The following BANP variants were observed in gnomAD, a reference collection of about 807,000 sequenced individuals.
BANP encodes protein BANP.
Under a neutral mutation model 68.1 loss-of-function variants are expected in BANP, and 11 were observed. That is an observed-to-expected ratio of 0.16 (90% CI 0.10 to 0.27). The LOEUF (loss-of-function observed/expected upper bound fraction) is 0.27, where lower values mean the gene tolerates loss of function less well. Ranked by LOEUF, BANP falls within the 10% of genes least tolerant of loss-of-function variation. BANP has a pLI of 1.00. For missense variants in BANP, 504 were observed against 722.7 expected, an observed-to-expected ratio of 0.70 and a Z score of 3.47; for synonymous variants, 329 against 303.2, an observed-to-expected ratio of 1.09 and a Z score of -0.88.
chr16:88,006,857 C>T (rs990384167), intron 6 of BANP, among the ~76,000 whole-genome samples: 3 of 142,694 alleles, frequency 2.1e-5, no homozygotes, highest in South Asian at 2.3e-4. Flanking sequence ...GAGGCTGAGG[C>T]GGGAGAATTG....
chr16:88,010,599 T>C (rs1366397480), intron 6 of BANP, among the ~76,000 whole-genome samples: 1 of 152,196 alleles, frequency 6.6e-6, no homozygotes, highest in Non-Finnish European at 1.5e-5. Context: ...CACATGGAAA[T>C]AAGAACATGT....
chr16:88,015,454 G>A (rs58985309), intron 6 of BANP, among the ~76,000 whole-genome samples: 36,622 of 152,202 alleles, frequency 0.24, 4,873 homozygotes, highest in East Asian at 0.46. Context: ...CCTGTCCCTC[G>A]TCTGCCCTAT....
chr16:88,038,108 C>T lies in BANP; in HGVS notation c.1311+97C>T. On this transcript the variant is annotated intron_variant, in intron 11 of 13. Transcript: ENST00000682872. ...GGGACGGTCAGGTGAGTGCCCTGGTCCCCATGTACATGTGGGCATTGCGCT... is the reference window on the plus strand; with the variant it reads ...GGGACGGTCAGGTGAGTGCCCTGGTTCCCATGTACATGTGGGCATTGCGCT... The T allele has an allele frequency of 4.6e-6, 6 of 1,303,242 alleles. No homozygotes were observed. In the South Asian group the frequency reaches 5.9e-5, roughly 13 times the overall value. 80.7% of individuals were successfully genotyped at this position (1,303,242 alleles called of 1,614,324 possible).
chr16:88,050,040 C>T (rs974125780), intron 11 of BANP, among the ~76,000 whole-genome samples: 4 of 152,228 alleles, frequency 2.6e-5, no homozygotes, highest in African/African-American at 9.6e-5. Flanking sequence ...GGCTGGTGAG[C>T]TTCTCAGTCA....
chr16:88,065,171 G>A (rs1425811260), intron 11 of BANP, 96 bp from the exon 12 acceptor site: 3 of 611,960 alleles, frequency 4.9e-6, no homozygotes, highest in Non-Finnish European at 5.9e-6. Flanking sequence ...TTACCGGAGG[G>A]CAGAAGCCCA....
At chr16:88,044,844 C>T (rs79670484) in intron 11 of BANP, among the ~76,000 whole-genome samples, 4 of 151,990 alleles carry the variant, frequency 2.6e-5, no homozygotes, top group South Asian at 2.1e-4. Flanking sequence ...TTAGCCGGTG[C>T]GGTGGCAGGC....
intron 11 of BANP, among the ~76,000 whole-genome samples, chr16:88,053,379 C>G (rs1355410558): frequency 1.3e-5 from 2 of 151,994 alleles, no homozygotes; most frequent in Non-Finnish European, 1.5e-5. Context: ...CCACTCCCAC[C>G]TCCTTCACTA....
Position 88,003,613 on chromosome 16 carries a change from C to T in BANP, c.363-682C>T. The T allele has an allele frequency of 2.2e-6, 1 of 448,002 alleles. No homozygotes were observed. Among genetic ancestry groups the T allele is most frequent in the African/African-American group, 2.0e-5 (1 of 50,002 alleles). The allele number at this position is 448,002 out of a possible 1,614,324, so 27.8% of individuals were successfully genotyped here. On this transcript the variant is annotated intron_variant, in intron 4 of 13. Coordinates refer to ENST00000682872, the MANE Select transcript of BANP (RefSeq NM_001386991.1). The surrounding 1 kb of genome is among the most constrained non-coding windows in gnomAD (Gnocchi z 6.1). Reference sequence around the variant, plus strand: ...CTGTGTTAGCTGCCGCCTGTCTGAACACACTCGTGCTTCCTCCAGGGTGGC... The same window carrying T: ...CTGTGTTAGCTGCCGCCTGTCTGAATACACTCGTGCTTCCTCCAGGGTGGC...
upstream of BANP, chr16:87,949,875 C>CT (rs922217438): frequency 0.041 from 5,737 of 139,858 alleles, 363 homozygotes; most frequent in African/African-American, 0.13. Context: ...TTCTTTCTTT[C>CT]TTTTTTTTTT....
intron 10 of BANP, chr16:88,037,722 G>A (rs1382235771): frequency 5.8e-6 from 3 of 518,010 alleles, no homozygotes; most frequent in South Asian, 5.2e-5. Flanking sequence ...ATTTTCATTT[G>A]GGGTCAGGGT....
At chr16:88,030,356 A>G (rs1178522862) in intron 8 of BANP, among the ~76,000 whole-genome samples, 3 of 152,232 alleles carry the variant, frequency 2.0e-5, no homozygotes, top group Non-Finnish European at 4.4e-5. Context: ...GCAAGGAGAG[A>G]AATAGAAGAC....
At chr16:88,066,947 G>A (rs376627759) in intron 12 of BANP, among the ~76,000 whole-genome samples, 51 of 152,234 alleles carry the variant, frequency 3.4e-4, no homozygotes, top group African/African-American at 1.2e-3. Flanking sequence ...CAGAGCCATC[G>A]GCCGGGGCAC....
Position 87,984,096 on chromosome 16 carries a change from C to T in BANP, c.199C>T (p.Arg67Trp). 2 of 1,613,954 alleles carry T rather than the reference C, an allele frequency of 1.2e-6. No individual in the cohort carries two copies. The highest frequency in any genetic ancestry group is 1.7e-6 in the Non-Finnish European group (2 of 1,179,938). Residue 67 changes from arginine (R) to tryptophan (W), a missense_variant, in exon 4 of 14, where the codon CGG becomes TGG. Transcript: ENST00000682872. ...LYSINQTICL[R>W]LDSIEAKLQA... ...TTCCATCAACCAGACAATCTGCTTG[C>T]GGTTGGATAGCATTGAAGCCAAATT...
rs114188265 is a variant in BANP at position 88,051,596 on chromosome 16, G to T, written c.1311+13585G>T. On this transcript the variant is annotated intron_variant, in intron 11 of 13. Transcript: ENST00000682872. The stretch of plus-strand genomic sequence containing the variant: ...GTGAGCCACGGTTCCCTCTCTCAGG[G>T]GTGCCTTTCCCTGCCACAGTTGCAG... Among the ~76,000 whole-genome samples the T allele has an allele frequency of 7.8e-3, 1,189 of 152,286 alleles. 13 individuals carry two copies. The highest frequency in any genetic ancestry group is 0.027 in the African/African-American group (1,124 of 41,548).
At chr16:88,038,296 G>A (rs1014611432) in intron 11 of BANP, among the ~76,000 whole-genome samples, 11 of 152,188 alleles carry the variant, frequency 7.2e-5, no homozygotes, top group African/African-American at 2.4e-4. Context: ...GGGCTCTCGC[G>A]GGAGGGAGCG....
At chr16:87,977,343 C>T (rs1334993520) in intron 2 of BANP, among the ~76,000 whole-genome samples, 9 of 151,858 alleles carry the variant, frequency 5.9e-5, no homozygotes, top group South Asian at 2.1e-4. Context: ...GGCGTGAACC[C>T]GGGAGGCGGA....
intron 11 of BANP, among the ~76,000 whole-genome samples, chr16:88,049,751 T>G (rs2082822608): frequency 6.6e-6 from 1 of 152,138 alleles, no homozygotes; most frequent in Admixed American, 6.5e-5. Context: ...ATGGCTGGAC[T>G]CAGGCACTCC....
chr16:88,042,662 A>G (rs2081110156), intron 11 of BANP, among the ~76,000 whole-genome samples: 1 of 151,926 alleles, frequency 6.6e-6, no homozygotes, highest in Non-Finnish European at 1.5e-5. Flanking sequence ...CACACCTGTA[A>G]TCCCAGTACT....
chr16:88,026,908 G>T (rs1218700105), intron 7 of BANP, among the ~76,000 whole-genome samples: 1 of 152,258 alleles, frequency 6.6e-6, no homozygotes, highest in Non-Finnish European at 1.5e-5. Flanking sequence ...ATGCCGGAAG[G>T]TGGTCAGTGC....
Sources: gnomAD v4.1 joint callset for allele counts (sites outside exome capture counted in the v4.1 genomes callset) on GRCh38, gnomAD v4.1.1 for gene constraint, Gnocchi (gnomAD v3.1) non-coding constraint, MANE v1.5 for transcripts, NCBI Gene and HGNC (gene_info 2026-07-23, HGNC 2026-07-21) for gene names.